Variants in NISCH observed in about 807,000 individuals in gnomAD.
The protein encoded by NISCH is nischarin.
Under a neutral mutation model 138.4 loss-of-function variants are expected in NISCH, and 55 were observed. The observed-to-expected ratio is 0.40, with a 90% confidence interval of 0.32 to 0.50. The LOEUF is 0.50. Ranked by LOEUF, NISCH falls within the 20% of genes least tolerant of loss-of-function variation. The pLI is 0.71. For synonymous variants in NISCH, 860 were observed against 861.5 expected (o/e 1.00, Z 0.03); for missense variants, 1,643 against 2,005.5 (o/e 0.82, Z 3.45).
chr3:52,480,984 G>A (rs1707255000), intron 13 of NISCH: 8 of 1,451,088 alleles, frequency 5.5e-6, no homozygotes, highest in South Asian at 4.3e-5. Flanking sequence ...GCCGAGGCTC[G>A]GGACACGCAG....
rs372476563 is a variant in NISCH, at chr3:52,476,584, G to T, written c.903G>T (p.Glu301Asp). 6.2e-7 allele frequency: 1 copy of T among 1,614,180 alleles called. No homozygotes were observed. The highest frequency in any genetic ancestry group is 8.5e-7 in the Non-Finnish European group (1 of 1,180,026). Residue 301 changes from glutamate to aspartate, a missense_variant, in exon 8 of 21, where the codon GAG becomes GAT. Glu to Asp is a conservative substitution (Grantham distance 45). Transcript: ENST00000345716. The part of the protein sequence containing the change: ...TLDLSHNSVS[E>D]IDESVKLIPK... ...ACCTGAGCCACAACAGCGTCTCCGA[G>T]ATCGACGAGTCTGTGGTATGCTCTC...
intron 17 of NISCH, 61 bp from the exon 18 acceptor site, chr3:52,490,014 T>C (rs905324978): frequency 5.6e-6 from 9 of 1,594,958 alleles, no homozygotes; most frequent in Non-Finnish European, 5.1e-6. Flanking sequence ...GCTGTGGGCA[T>C]GTCCCTGGTA....
At position 52,488,723 on chromosome 3, in the gene NISCH, C is replaced by A. The variant is rs368009574; in HGVS notation, c.3113+118C>A. ...CTGCGAGAGCTGGGCCCCCTCCCCC[C>A]CTGCCCCTCGCCCCCCCCGGGCCTC... On this transcript the variant is annotated intron_variant, in intron 16 of 20. Transcript: ENST00000345716. 42 of 878,448 alleles carry A rather than the reference C, an allele frequency of 4.8e-5. 1 individual carries two copies. The South Asian group carries it at 4.9e-4, about 10-fold the overall frequency. 54.4% of individuals were successfully genotyped at this position (878,448 alleles called of 1,614,324 possible). A position where few individuals can be genotyped will look rare whatever the true frequency, so the allele number is the denominator to read the frequency against.
Position 52,491,348 on chromosome 3 carries a change from G to A in NISCH, c.3743-4G>A. On this transcript the variant is annotated splice_region_variant and splice_polypyrimidine_tract_variant and intron_variant, in intron 19 of 20. Coordinates refer to ENST00000345716, the MANE Select transcript of NISCH (RefSeq NM_007184.4). The stretch of plus-strand genomic sequence containing the variant: ...GTGGCCCTGACCAGCCCCTTCTCGT[G>A]CAGGTTCCACCCCGATGCAGGTGGT... 2 of 1,609,394 alleles carry A rather than the reference G, an allele frequency of 1.2e-6. No homozygotes were observed. Among genetic ancestry groups the A allele is most frequent in the East Asian group, 2.2e-5 (1 of 44,820 alleles).
At chr3:52,473,215 G>A (rs1707000512) in intron 6 of NISCH, among the ~76,000 whole-genome samples, 1 of 152,342 alleles carries the variant, frequency 6.6e-6, no homozygotes, top group Admixed American at 6.5e-5. Flanking sequence ...GGACAGGGAA[G>A]TGAAGGGGAA....
At chr3:52,483,569 A>G (rs1169654378) in intron 13 of NISCH, among the ~76,000 whole-genome samples, 2 of 152,210 alleles carry the variant, frequency 1.3e-5, no homozygotes, top group South Asian at 2.1e-4. Context: ...TACGGGACGC[A>G]GTGGGTCAGA....
chr3:52,472,271 G>A lies in NISCH; in HGVS notation c.574-32G>A, dbSNP rs768424824. ...CACTCCCCGATGGGCATGCGACACTGTTCCCAATTTAAGCCTTATCTTTGG... is the reference window on the plus strand; with the variant it reads ...CACTCCCCGATGGGCATGCGACACTATTCCCAATTTAAGCCTTATCTTTGG... On this transcript the variant is annotated intron_variant, in intron 5 of 20. Transcript: ENST00000345716. The A allele has an allele frequency of 3.7e-6, 6 of 1,601,340 alleles. No individual in the cohort carries two copies. The African/African-American group carries it at 5.4e-5, about 14-fold the overall frequency.
At chr3:52,479,582 G>T (rs975884752) in intron 11 of NISCH, among the ~76,000 whole-genome samples, 167 bp from the exon 12 acceptor site, 1 of 152,152 alleles carries the variant, frequency 6.6e-6, no homozygotes, top group Non-Finnish European at 1.5e-5. Context: ...AGCCTATGGT[G>T]TCCTCACGTG....
chr3:52,484,756 C>T (rs1161603139), intron 14 of NISCH, 119 bp downstream of exon 14: 47 of 1,183,790 alleles, frequency 4.0e-5, no homozygotes, highest in African/African-American at 1.4e-4. Flanking sequence ...CAGGGTTTGG[C>T]GTCCTCTGCT....
chr3:52,467,209 C>T (rs1435672640), intron 3 of NISCH, among the ~76,000 whole-genome samples: 1 of 152,026 alleles, frequency 6.6e-6, no homozygotes, highest in Non-Finnish European at 1.5e-5. Context: ...CCATGTTGGC[C>T]AGGCTGGTCT....
intron 19 of NISCH, 100 bp downstream of exon 19, chr3:52,490,933 C>T: frequency 2.6e-6 from 4 of 1,511,178 alleles, no homozygotes; most frequent in Non-Finnish European, 3.6e-6. Context: ...AGACAGTTAT[C>T]TCTGTGCTCA....
Position 52,471,859 on chromosome 3 carries a change from T to C in NISCH, c.455T>C (p.Leu152Pro). 1 of 1,613,874 alleles carries C rather than the reference T, an allele frequency of 6.2e-7. No homozygotes were observed. The highest frequency in any genetic ancestry group is 2.2e-5 in the East Asian group (1 of 44,884). ...GAGEVFAIGP[L>P]QLYAVTEQLQ... ...GGCGAGGTCTTTGCCATTGGACCCCTGCAGCTGTATGCCGTCACGGAGCAG... is the reference window on the plus strand; with the variant it reads ...GGCGAGGTCTTTGCCATTGGACCCCCGCAGCTGTATGCCGTCACGGAGCAG... Residue 152 changes from leucine (L) to proline (P), a missense_variant, in exon 5 of 21, where the codon CTG becomes CCG. Physicochemically the swap from Leu to Pro is moderately conservative, Grantham distance 98 (BLOSUM62 -3). Coordinates refer to ENST00000345716, the MANE Select transcript of NISCH (RefSeq NM_007184.4).
intron 12 of NISCH, 101 bp from the exon 13 acceptor site, chr3:52,480,083 C>T: frequency 1.5e-6 from 2 of 1,313,056 alleles, no homozygotes; most frequent in African/African-American, 1.5e-5. Flanking sequence ...TCTTTACCAC[C>T]CAGTTGGTGG....
intron 4 of NISCH, 30 bp from the exon 5 acceptor site, chr3:52,471,784 C>T (rs1284998122): frequency 6.2e-7 from 1 of 1,613,454 alleles, no homozygotes; most frequent in Non-Finnish European, 8.5e-7. Flanking sequence ...TGCGGCTGGA[C>T]ACTTATCCTT....
intron 11 of NISCH, among the ~76,000 whole-genome samples, chr3:52,479,546 GC>G (rs1707205614): frequency 6.6e-6 from 1 of 152,098 alleles, no homozygotes; most frequent in Non-Finnish European, 1.5e-5. Context: ...GTGAAGAGCC[GC>G]CTCTGAGCAG....
Position 52,492,717 on chromosome 3 carries a change from G to A in NISCH, c.*235G>A, listed in dbSNP as rs1030006884. The stretch of plus-strand genomic sequence containing the variant: ...TCAGCCTCCCACAGGTGGTACAGCC[G>A]TGCACACCAGTGTCGTGTCTGCTGT... On this transcript the variant is annotated 3_prime_UTR_variant, in exon 21 of 21. Transcript: ENST00000345716. 2.8e-5 allele frequency: 16 copies of A among 572,910 alleles called. No individual in the cohort carries two copies. Among genetic ancestry groups the A allele is most frequent in the African/African-American group, 1.9e-4 (10 of 53,646 alleles). The allele number at this position is 572,910 out of a possible 1,614,324, so 35.5% of individuals were successfully genotyped here. A position where few individuals can be genotyped will look rare whatever the true frequency, so the allele number is the denominator to read the frequency against.
intron 5 of NISCH, 93 bp downstream of exon 5, chr3:52,472,070 A>T (rs1156634771): frequency 4.4e-6 from 6 of 1,364,156 alleles, no homozygotes; most frequent in Non-Finnish European, 6.0e-6. Context: ...GAAGGAGACC[A>T]TGGGGGACTG....
In NISCH at chr3:52,480,188, G is replaced by A; in HGVS notation, c.1421G>A (p.Gly474Asp). The A allele has an allele frequency of 6.2e-7, 1 of 1,613,862 alleles. No homozygotes were observed. Among genetic ancestry groups the A allele is most frequent in the Non-Finnish European group, 8.5e-7 (1 of 1,179,988 alleles). The change falls in exon 13 of 21, where the codon GGT becomes GAT. Residue 474 changes from glycine (G) to aspartate (D), a missense_variant. Gly to Asp is a moderately conservative substitution (Grantham distance 94). Coordinates refer to ENST00000345716, the MANE Select transcript of NISCH (RefSeq NM_007184.4). ...GACTCAAGCACTCGTCCTCAGGGTG[G>A]TGAAGACTCCCGGCTCTCAGCTGCC... ...SKLSNPEKKGGEDSRLSAAPC... is the reference protein window; with the variant it reads ...SKLSNPEKKGDEDSRLSAAPC...
In NISCH at chr3:52,489,436, G is replaced by A. The variant is rs1707501939; in HGVS notation, c.3214G>A (p.Ala1072Thr). The A allele has an allele frequency of 6.2e-7, 1 of 1,603,906 alleles. No homozygotes were observed. ...APAAASASGP[A>T]KTPAPAEAST... is the part of the protein sequence containing the mutation. Reference sequence around the variant, plus strand: ...TGCAGCAGCCTCAGCCTCAGGCCCAGCGAAGACTCCGGCCCCAGCAGAGGC... The same window carrying A: ...TGCAGCAGCCTCAGCCTCAGGCCCAACGAAGACTCCGGCCCCAGCAGAGGC... Residue 1072 changes from alanine (A) to threonine (T), a missense_variant, in exon 17 of 21, where the codon GCG (alanine) becomes ACG (threonine). Transcript: ENST00000345716.
Sources: allele counts gnomAD v4.1 joint callset (sites outside exome capture counted in the v4.1 genomes callset), GRCh38; gene constraint gnomAD v4.1.1; transcripts MANE v1.5; gene names NCBI Gene and HGNC (gene_info 2026-07-23, HGNC 2026-07-21).